PCDHA3: variants seen among roughly 807,000 people sequenced by gnomAD.
The protein encoded by PCDHA3 is protocadherin alpha-3.
PCDHA3 carries 41 observed loss-of-function variants against 62.2 expected under a neutral mutation model. That is an observed-to-expected ratio of 0.66 (90% confidence interval 0.51 to 0.86). PCDHA3 has a LOEUF of 0.86. Among genes scored for constraint, PCDHA3 ranks in the 40% least tolerant of loss-of-function variants. PCDHA3 has a pLI of 0.00. For missense variants in PCDHA3, 1,304 were observed against 1,241.2 expected, an observed-to-expected ratio of 1.05 and a Z score of -0.76; for synonymous variants, 640 against 555.4, an observed-to-expected ratio of 1.15 and a Z score of -2.14.
chr5:140,849,736 ACCGCGAGAGTGTGT>A, intron 1 of PCDHA3: 1 of 1,598,292 alleles, frequency 6.3e-7, no homozygotes, highest in Non-Finnish European at 8.6e-7. Context: ...AGAGCTCTGG[ACCGCGAGAGTGTGT>A]CCGCCTACGA....
rs374513389 is a variant in PCDHA3 at position 140,801,718 on chromosome 5, C to G, written c.521C>G (p.Ser174Cys). ...TCGTTGTTGACTTACAGTCTTGATT[C>G]CACTGAATATTTTACCTTGGACGTT... is the stretch of plus-strand genomic sequence containing the variant. ...TNSLLTYSLD[S>C]TEYFTLDVKR... Residue 174 changes from serine to cysteine, a missense_variant, in exon 1 of 4, where the codon TCC becomes TGC. Ser to Cys is a moderately radical substitution (Grantham distance 112, BLOSUM62 -1). Transcript: ENST00000522353. The G allele has an allele frequency of 1.5e-5, 24 of 1,613,958 alleles. No homozygotes were observed. The highest frequency in any genetic ancestry group is 2.0e-5 in the Non-Finnish European group (24 of 1,180,024).
At chr5:140,834,413 G>C in intron 1 of PCDHA3, 3 of 1,611,242 alleles carry the variant, frequency 1.9e-6, no homozygotes, top group Non-Finnish European at 2.5e-6. Context: ...ACGACCCAGG[G>C]GGCCGACATC....
chr5:140,891,820 G>T (rs1341896388), intron 1 of PCDHA3, among the ~76,000 whole-genome samples: 3 of 152,102 alleles, frequency 2.0e-5, no homozygotes, highest in African/African-American at 7.2e-5. Context: ...TAAATTAACG[G>T]CACTGTAAAA....
At chr5:140,958,343 T>C (rs904666839) in intron 1 of PCDHA3, among the ~76,000 whole-genome samples, 2 of 152,144 alleles carry the variant, frequency 1.3e-5, no homozygotes, top group African/African-American at 4.8e-5. Flanking sequence ...TCACAGGAAG[T>C]TCACAGTCTG....
At chr5:140,900,559 G>T (rs542075943) in intron 1 of PCDHA3, among the ~76,000 whole-genome samples, 1 of 152,196 alleles carries the variant, frequency 6.6e-6, no homozygotes, top group Admixed American at 6.5e-5. Context: ...TTACAGGCGT[G>T]AGCCACGGCA....
chr5:140,842,467 C>T (rs1554139064), intron 1 of PCDHA3: 3 of 1,613,802 alleles, frequency 1.9e-6, no homozygotes, highest in East Asian at 2.2e-5. Context: ...CAGGTGCCAA[C>T]GGGCAGGTGA....
Position 140,941,209 on chromosome 5 carries a change from T to TCCTTTCTTTCTTTC in PCDHA3, c.2395-37740_2395-37739insCCTTTCTTTCTTTC, listed in dbSNP as rs59604197. 5.4e-4 allele frequency among the ~76,000 whole-genome samples: 69 copies of TCCTTTCTTTCTTTC among 126,992 alleles called. 1 individual carries two copies. Among genetic ancestry groups the TCCTTTCTTTCTTTC allele is most frequent in the African/African-American group, 2.2e-3 (68 of 31,202 alleles). The allele number at this position is 126,992 out of a possible 152,430, so 83.3% of individuals were successfully genotyped here. On this transcript the variant is annotated intron_variant, in intron 1 of 3. Coordinates refer to ENST00000522353, the MANE Select transcript of PCDHA3 (RefSeq NM_018906.3). ...TCTTTTTTTTTCTTTCTTCCTTTCT[T>TCCTTTCTTTCTTTC]TCTTCCTTTCTTTCTTTCTTTCTTT...
At chr5:140,828,942 T>G (rs2150161123) in intron 1 of PCDHA3, 2 of 1,614,258 alleles carry the variant, frequency 1.2e-6, no homozygotes, top group Admixed American at 3.3e-5. Context: ...TTTAATAGCC[T>G]TGTTGCAGCC....
chr5:140,829,975 G>A (rs2150178918), intron 1 of PCDHA3: 37 of 1,613,854 alleles, frequency 2.3e-5, no homozygotes, highest in Admixed American at 3.3e-5. Flanking sequence ...GGCTGTACAC[G>A]GGCGAGATCA....
intron 1 of PCDHA3, among the ~76,000 whole-genome samples, chr5:140,872,046 C>T (rs1554166008): frequency 6.6e-6 from 1 of 152,230 alleles, no homozygotes; most frequent in Non-Finnish European, 1.5e-5. Context: ...AGAATTCTCC[C>T]ACTTCAGCCT....
intron 1 of PCDHA3, chr5:140,829,216 C>A (rs2150164003): frequency 1.2e-6 from 2 of 1,614,238 alleles, no homozygotes; most frequent in East Asian, 4.5e-5. Context: ...TTAGCGTGAA[C>A]GACCTCGATT....
chr5:140,869,694 GA>G, intron 1 of PCDHA3: 1 of 1,613,394 alleles, frequency 6.2e-7, no homozygotes, highest in Non-Finnish European at 8.5e-7. Context: ...TTATTTTAAA[GA>G]AGTCTCTGGA....
intron 1 of PCDHA3, among the ~76,000 whole-genome samples, chr5:140,911,647 G>A (rs1554194849): frequency 2.0e-5 from 3 of 152,160 alleles, no homozygotes; most frequent in African/African-American, 7.2e-5. Flanking sequence ...ATTACATATA[G>A]AGTTACTAAA....
In PCDHA3 at chr5:140,857,214, C is replaced by T. The variant is rs193920994; in HGVS notation, c.2394+53623C>T. ...AACGGACAGGTCACCTGCTCTCTGA[C>T]GCCTCACGTTCCGTTCAAGCTGGTG... is the stretch of plus-strand genomic sequence containing the variant. On this transcript the variant is annotated intron_variant, in intron 1 of 3. Transcript: ENST00000522353. 5 of 1,598,500 alleles carry T rather than the reference C, an allele frequency of 3.1e-6. 1 individual carries two copies. Among genetic ancestry groups the T allele is most frequent in the Non-Finnish European group, 3.4e-6 (4 of 1,167,936 alleles).
intron 1 of PCDHA3, chr5:140,807,238 A>G (rs1562206835): frequency 2.5e-6 from 4 of 1,614,010 alleles, no homozygotes; most frequent in Non-Finnish European, 3.4e-6. Context: ...TGCTGCTCTT[A>G]CTTCTTCTCC....
At chr5:140,956,009 CTT>C (rs2095247878) in intron 1 of PCDHA3, among the ~76,000 whole-genome samples, 1 of 152,192 alleles carries the variant, frequency 6.6e-6, no homozygotes, top group Non-Finnish European at 1.5e-5. Flanking sequence ...TATCCTGAGA[CTT>C]TGCTGAAGTT....
Position 140,853,615 on chromosome 5 carries a change from A to G in PCDHA3, c.2394+50024A>G, listed in dbSNP as rs1265889147. 5 of 988,116 alleles carry G rather than the reference A, an allele frequency of 5.1e-6. 1 individual carries two copies. Among genetic ancestry groups the G allele is most frequent in the Non-Finnish European group, 6.1e-6 (5 of 820,262 alleles). 61.2% of individuals were successfully genotyped at this position (988,116 alleles called of 1,614,324 possible). ...TTTGAGAGCAAAGGGGGTGCTGTAA[A>G]TAAGTATACAAGATCACAGACCTAA... On this transcript the variant is annotated intron_variant, in intron 1 of 3. Coordinates refer to ENST00000522353, the MANE Select transcript of PCDHA3 (RefSeq NM_018906.3).
chr5:141,009,686 A>G lies in PCDHA3; in HGVS notation c.2602A>G (p.Thr868Ala). Residue 868 changes from threonine to alanine, a missense_variant, in exon 4 of 4, where the codon ACC becomes GCC. Thr to Ala is a moderately conservative substitution (Grantham distance 58). Coordinates refer to ENST00000522353, the MANE Select transcript of PCDHA3 (RefSeq NM_018906.3). ...VGAGVNSNSW[T>A]FKYGPGNPKQ... ...TGCGGGTGTCAACAGCAACAGCTGG[A>G]CCTTTAAATACGGACCAGGCAACCC... is the stretch of plus-strand genomic sequence containing the variant. The G allele has an allele frequency of 6.2e-7, 1 of 1,613,998 alleles. No homozygotes were observed. The highest frequency in any genetic ancestry group is 8.5e-7 in the Non-Finnish European group (1 of 1,179,996).
Position 140,876,041 on chromosome 5 carries a change from T to A in PCDHA3, c.2394+72450T>A, listed in dbSNP as rs1554168219. The A allele has an allele frequency of 1.9e-6, 3 of 1,613,848 alleles. No homozygotes were observed. Among genetic ancestry groups the A allele is most frequent in the South Asian group, 2.2e-5 (2 of 91,072 alleles). On this transcript the variant is annotated intron_variant, in intron 1 of 3. Transcript: ENST00000522353. ...ATAAAAACAAAAAAAGATAAAAGTATATTGCCTGAATTAGTTCTTCGGAAG... is the reference window on the plus strand; with the variant it reads ...ATAAAAACAAAAAAAGATAAAAGTAAATTGCCTGAATTAGTTCTTCGGAAG...
Sources: gnomAD v4.1 joint callset for allele counts (sites outside exome capture counted in the v4.1 genomes callset) on GRCh38, gnomAD v4.1.1 for gene constraint, MANE v1.5 for transcripts, NCBI Gene and HGNC (gene_info 2026-07-23, HGNC 2026-07-21) for gene names.